GOLGA1: variants seen among roughly 807,000 people sequenced by gnomAD.
GOLGA1 encodes golgin subfamily A member 1.
Under a neutral mutation model 119.7 loss-of-function variants are expected in GOLGA1, and 63 were observed. That is an observed-to-expected ratio of 0.53 (90% CI 0.43 to 0.65). The LOEUF is 0.65. GOLGA1 is among the 30% of genes least tolerant of loss of function. The probability of loss-of-function intolerance (pLI) is 0.00; values close to 1 mark genes in which losing one functional copy is unlikely to be tolerated. For synonymous variants in GOLGA1, 318 were observed against 333.4 expected (o/e 0.95, Z 0.50); for missense variants, 798 against 912.8 (o/e 0.87, Z 1.62).
chr9:124,891,709 A>ATCTCAGCT, intron 15 of GOLGA1, among the ~76,000 whole-genome samples: 1 of 151,932 alleles, frequency 6.6e-6, no homozygotes, highest in East Asian at 1.9e-4. Flanking sequence ...CAATGGCGCA[A>ATCTCAGCT]TCTCAGCTCA....
chr9:124,933,152 G>T (rs1301054177), intron 3 of GOLGA1, among the ~76,000 whole-genome samples: 1 of 152,194 alleles, frequency 6.6e-6, no homozygotes, highest in East Asian at 1.9e-4. Context: ...AGCAGCAGCA[G>T]CAACAGAAGC....
chr9:124,929,834 G>C (rs2096472045), intron 4 of GOLGA1, among the ~76,000 whole-genome samples: 1 of 152,168 alleles, frequency 6.6e-6, no homozygotes, highest in South Asian at 2.1e-4. Context: ...TACATTAAAT[G>C]TGAATGTCAG....
intron 3 of GOLGA1, among the ~76,000 whole-genome samples, chr9:124,932,776 A>G (rs1349287395): frequency 2.0e-5 from 3 of 152,160 alleles, no homozygotes; most frequent in Non-Finnish European, 4.4e-5. Flanking sequence ...GTGCCAGCAG[A>G]TTTGGTGTCT....
chr9:124,893,124 T>A (rs1564325289), intron 15 of GOLGA1, among the ~76,000 whole-genome samples: 1 of 152,126 alleles, frequency 6.6e-6, no homozygotes. Context: ...CCCAGTCTCC[T>A]GAGTAGCTGG....
At chr9:124,932,952 A>T (rs1055957020) in intron 3 of GOLGA1, among the ~76,000 whole-genome samples, 3 of 152,004 alleles carry the variant, frequency 2.0e-5, no homozygotes, top group Non-Finnish European at 4.4e-5. Flanking sequence ...TCACCTCCTC[A>T]TTCCATCACT....
intron 15 of GOLGA1, among the ~76,000 whole-genome samples, chr9:124,891,273 C>A (rs1829848867): frequency 6.6e-6 from 1 of 152,210 alleles, no homozygotes; most frequent in African/African-American, 2.4e-5. Context: ...GCAGGGCCTG[C>A]AGCTTGCAGA....
At chr9:124,905,847 G>C (rs1412341628) in intron 12 of GOLGA1, among the ~76,000 whole-genome samples, 1 of 152,056 alleles carries the variant, frequency 6.6e-6, no homozygotes, top group Non-Finnish European at 1.5e-5. Flanking sequence ...AATAAAGTTC[G>C]GGTGTGGTGG....
chr9:124,945,483 A>C (rs1831131333), upstream of GOLGA1: 1 of 152,232 alleles, frequency 6.6e-6, no homozygotes, highest in Non-Finnish European at 1.5e-5. Context: ...TGAACCCAGG[A>C]GGCGGAGGTT....
At chr9:124,947,123 A>T (rs530948314) in intron 1 of GOLGA1, 6 of 152,284 alleles carry the variant, frequency 3.9e-5, no homozygotes, top group Admixed American at 3.9e-4. Flanking sequence ...AAAAATGACA[A>T]CTGGGAATAT....
In GOLGA1 at chr9:124,908,338, C is replaced by A. The variant is rs1166188152; in HGVS notation, c.1065+39G>T. ...ACCATGTTGCCATTCAGCCAGGTTA[C>A]CACCCAAACTTAGGAAACACCAGGA... On this transcript the variant is annotated intron_variant, in intron 12 of 22. Coordinates refer to ENST00000373555, the MANE Select transcript of GOLGA1 (RefSeq NM_002077.4). The A allele has an allele frequency of 7.5e-6, 8 of 1,071,458 alleles. No individual in the cohort carries two copies. In the Admixed American group the frequency reaches 1.4e-4, roughly 18 times the overall value. 66.4% of individuals were successfully genotyped at this position (1,071,458 alleles called of 1,614,324 possible).
chr9:124,885,140 A>T (rs933751104), intron 19 of GOLGA1, among the ~76,000 whole-genome samples: 3 of 152,236 alleles, frequency 2.0e-5, no homozygotes, highest in Non-Finnish European at 4.4e-5. Flanking sequence ...CATCCTGGCC[A>T]ACATGGTGAA....
chr9:124,922,191 G>A (rs1348991047), intron 8 of GOLGA1, among the ~76,000 whole-genome samples: 2 of 150,634 alleles, frequency 1.3e-5, no homozygotes, highest in African/African-American at 2.4e-5. Context: ...TCGCGCCACT[G>A]CACTCCAGCC....
Position 124,888,379 on chromosome 9 carries a change from C to A in GOLGA1, c.1779G>T (p.Met593Ile). 6.2e-7 allele frequency: 1 copy of A among 1,614,092 alleles called. No individual in the cohort carries two copies. Among genetic ancestry groups the A allele is most frequent in the Non-Finnish European group, 8.5e-7 (1 of 1,179,948 alleles). ...VNESHVTSRA[M>I]QDPVFQLPTA... Reference sequence around the variant, plus strand: ...TTGGAAGCTGGAACACAGGGTCCTGCATGGCCCTCGAGGTCACCTACAAGG... The same window carrying A: ...TTGGAAGCTGGAACACAGGGTCCTGAATGGCCCTCGAGGTCACCTACAAGG... Residue 593 changes from methionine (M) to isoleucine (I), a missense_variant, in exon 19 of 23, where the codon ATG becomes ATT. Transcript: ENST00000373555. This position sits in a 1 kb window ranked among gnomAD's most constrained non-coding sequence, Gnocchi z 4.4.
chr9:124,902,401 C>A (rs559365608), intron 12 of GOLGA1, among the ~76,000 whole-genome samples: 1 of 151,620 alleles, frequency 6.6e-6, no homozygotes, highest in African/African-American at 2.4e-5. Flanking sequence ...TGTGATTCAC[C>A]GCGCCCAGCT....
chr9:124,921,871 G>A lies in GOLGA1; in HGVS notation c.583C>T (p.Leu195=). The A allele has an allele frequency of 1.2e-6, 2 of 1,612,578 alleles. No individual in the cohort carries two copies. The highest frequency in any genetic ancestry group is 1.7e-6 in the Non-Finnish European group (2 of 1,179,514). ...TCCAATTCTTGTTCCATTTTCCCTA[G>A]ACTTTCTTCTTTTTTTAAAAGCTGA... The part of the protein sequence containing the change: ...KHMLLKKEES[L]GKMEQELEAR... Residue 195 remains leucine (L), a synonymous_variant, in exon 9 of 23, where the codon CTA becomes TTA. Transcript: ENST00000373555.
upstream of GOLGA1, chr9:124,943,278 A>G (rs899870844): frequency 6.6e-6 from 1 of 152,226 alleles, no homozygotes; most frequent in Non-Finnish European, 1.5e-5. Flanking sequence ...TAACACATAT[A>G]AAAACTATGA....
intron 10 of GOLGA1, among the ~76,000 whole-genome samples, chr9:124,915,320 A>G (rs1248155744): frequency 6.6e-6 from 1 of 152,190 alleles, no homozygotes; most frequent in Admixed American, 6.5e-5. Flanking sequence ...TGAGGACTCG[A>G]TGAGTCCCTA....
intron 6 of GOLGA1, 33 bp from the exon 7 acceptor site, chr9:124,926,774 A>T: frequency 7.5e-7 from 1 of 1,326,112 alleles, no homozygotes; most frequent in African/African-American, 1.5e-5. Context: ...TATGGTTTCC[A>T]GTGAAGAGTA....
intron 12 of GOLGA1, among the ~76,000 whole-genome samples, chr9:124,904,618 G>A (rs1453176171): frequency 6.6e-6 from 1 of 152,078 alleles, no homozygotes; most frequent in African/African-American, 2.4e-5. Flanking sequence ...AGACCAGCCT[G>A]GCCAACATGG....
Sources: gnomAD v4.1 joint callset for allele counts (sites outside exome capture counted in the v4.1 genomes callset) on GRCh38, gnomAD v4.1.1 for gene constraint, Gnocchi (gnomAD v3.1) non-coding constraint, MANE v1.5 for transcripts, NCBI Gene and HGNC (gene_info 2026-07-23, HGNC 2026-07-21) for gene names.